The following MAPRE2 variants were observed in gnomAD, a reference collection of about 807,000 sequenced individuals.
The protein encoded by MAPRE2 is microtubule-associated protein RP/EB family member 2.
MAPRE2 carries 13 observed loss-of-function variants against 43.2 expected under a neutral mutation model. That is an observed-to-expected ratio of 0.30 (90% confidence interval 0.20 to 0.48). The LOEUF is 0.48. MAPRE2 is among the 20% of genes least tolerant of loss of function. The probability of loss-of-function intolerance (pLI) is 0.99; values close to 1 mark genes in which losing one functional copy is unlikely to be tolerated. For missense variants in MAPRE2, 161 were observed against 400.2 expected (o/e 0.40, Z 5.10); for synonymous variants, 135 against 148.8 (o/e 0.91, Z 0.68).
chr18:35,026,829 G>A (rs2097045505), intron 2 of MAPRE2, among the ~76,000 whole-genome samples: 1 of 152,170 alleles, frequency 6.6e-6, no homozygotes, highest in Admixed American at 6.5e-5. Context: ...GGGGATAGGA[G>A]AGCAGGCAGA....
intron 6 of MAPRE2, among the ~76,000 whole-genome samples, chr18:35,137,759 T>C (rs1910453059): frequency 6.6e-6 from 1 of 152,004 alleles, no homozygotes; most frequent in African/African-American, 2.4e-5. Context: ...CACGCGGGAC[T>C]GTGGTGCGCC....
intron 4 of MAPRE2, among the ~76,000 whole-genome samples, chr18:35,104,935 A>G (rs1177122816): frequency 6.6e-6 from 1 of 151,982 alleles, no homozygotes. Context: ...CTCAACTGCC[A>G]TTTTTTTCAA....
chr18:34,989,718 G>A (rs531239955), intron 1 of MAPRE2, among the ~76,000 whole-genome samples: 1 of 151,836 alleles, frequency 6.6e-6, no homozygotes, highest in East Asian at 1.9e-4. Flanking sequence ...CTCTCTCTCT[G>A]TCTTTTTTTT....
chr18:35,102,261 C>A, intron 4 of MAPRE2, 102 bp downstream of exon 4: 1 of 840,056 alleles, frequency 1.2e-6, no homozygotes, highest in South Asian at 2.1e-5. Context: ...TCTCAACAGT[C>A]AATATTTTAA....
intron 2 of MAPRE2, among the ~76,000 whole-genome samples, chr18:35,091,070 A>T (rs781232304): frequency 6.6e-6 from 1 of 152,222 alleles, no homozygotes; most frequent in Non-Finnish European, 1.5e-5. Flanking sequence ...AGAGGACATA[A>T]ATAAATGGAA....
intron 1 of MAPRE2, among the ~76,000 whole-genome samples, chr18:35,063,390 A>G (rs1039612491): frequency 6.6e-6 from 1 of 151,994 alleles, no homozygotes; most frequent in African/African-American, 2.4e-5. Context: ...TACAGGCGTG[A>G]GCCACTGCGC....
At chr18:35,079,515 A>C (rs952383280) in intron 2 of MAPRE2, among the ~76,000 whole-genome samples, 2 of 152,192 alleles carry the variant, frequency 1.3e-5, no homozygotes. Context: ...ATCCAGCTCT[A>C]TCCCTTCATT....
chr18:35,041,466 C>G lies in MAPRE2; in HGVS notation c.-74C>G, dbSNP rs1199500753. On this transcript the variant is annotated 5_prime_UTR_variant, in exon 1 of 7. Transcript: ENST00000300249. The stretch of plus-strand genomic sequence containing the variant: ...GCACGGTCCGTGCGGAGCAGGCGAG[C>G]GAGCGGGAAGACGCAGCCACCTTCC... 2 of 1,609,878 alleles carry G rather than the reference C, an allele frequency of 1.2e-6. No homozygotes were observed. Among genetic ancestry groups the G allele is most frequent in the Admixed American group, 3.3e-5 (2 of 59,834 alleles).
intron 2 of MAPRE2, among the ~76,000 whole-genome samples, chr18:35,032,318 T>C (rs991428256): frequency 2.0e-5 from 3 of 152,200 alleles, no homozygotes; most frequent in Non-Finnish European, 4.4e-5. Context: ...ATTATCAGCT[T>C]CAGTGAACAC....
chr18:35,100,065 G>A (rs1908603346), intron 3 of MAPRE2, among the ~76,000 whole-genome samples: 1 of 152,166 alleles, frequency 6.6e-6, no homozygotes, highest in Non-Finnish European at 1.5e-5. Context: ...TAGCAAAGCT[G>A]TGAGCTGTGT....
intron 2 of MAPRE2, among the ~76,000 whole-genome samples, chr18:35,032,242 G>A (rs1470571355): frequency 6.6e-6 from 1 of 152,166 alleles, no homozygotes; most frequent in Admixed American, 6.5e-5. Flanking sequence ...TATTTGAGGT[G>A]ATAATGATCT....
At chr18:35,047,716 T>TAAAAA (rs34691999) in intron 1 of MAPRE2, among the ~76,000 whole-genome samples, 1 of 143,068 alleles carries the variant, frequency 7.0e-6, no homozygotes. Flanking sequence ...GTAGGTTACT[T>TAAAAA]AAAAAAAAAA....
At chr18:34,992,406 A>T (rs548309613) in intron 1 of MAPRE2, among the ~76,000 whole-genome samples, 2 of 152,322 alleles carry the variant, frequency 1.3e-5, no homozygotes, top group East Asian at 3.9e-4. Flanking sequence ...ACAATAAGTT[A>T]ATTTGAACTG....
intron 1 of MAPRE2, among the ~76,000 whole-genome samples, chr18:35,002,027 A>T (rs1210379888): frequency 6.6e-6 from 1 of 152,188 alleles, no homozygotes; most frequent in African/African-American, 2.4e-5. Context: ...ATCAAGGTTC[A>T]GAACATTTCC....
chr18:35,085,205 T>G (rs140230823), intron 2 of MAPRE2, among the ~76,000 whole-genome samples: 1 of 152,194 alleles, frequency 6.6e-6, no homozygotes, highest in Admixed American at 6.5e-5. Flanking sequence ...GCTGGAAATA[T>G]GTAACCTTGT....
intron 1 of MAPRE2, among the ~76,000 whole-genome samples, chr18:34,996,472 G>A (rs2097026577): frequency 1.3e-5 from 2 of 152,152 alleles, no homozygotes; most frequent in South Asian, 4.1e-4. Context: ...CTAGACTTAA[G>A]TCCTGGGTGG....
intron 3 of MAPRE2, 72 bp from the exon 4 acceptor site, chr18:35,101,874 A>G: frequency 1.8e-6 from 2 of 1,094,188 alleles, no homozygotes; most frequent in South Asian, 3.1e-5. Flanking sequence ...TTTTTGAGAT[A>G]CTGATTTCCT....
intron 1 of MAPRE2, among the ~76,000 whole-genome samples, chr18:34,998,323 C>CTTTTTTTT (rs11339291): frequency 8.3e-6 from 1 of 120,738 alleles, no homozygotes; most frequent in Non-Finnish European, 1.7e-5. Flanking sequence ...TTTTCTCTCT[C>CTTTTTTTT]TTTTTTTTTT....
chr18:35,093,797 G>A (rs1908272465), intron 2 of MAPRE2, among the ~76,000 whole-genome samples: 1 of 152,144 alleles, frequency 6.6e-6, no homozygotes. Flanking sequence ...AGAGAGATTG[G>A]TCAGTGGGTA....
Sources: gnomAD v4.1 joint callset for allele counts (sites outside exome capture counted in the v4.1 genomes callset) on GRCh38, gnomAD v4.1.1 for gene constraint, MANE v1.5 for transcripts, NCBI Gene and HGNC (gene_info 2026-07-23, HGNC 2026-07-21) for gene names.